The following SYNDIG1L variants were observed in gnomAD, a reference collection of about 807,000 sequenced individuals.
SYNDIG1L encodes synapse differentiation inducing 1 like.
SYNDIG1L carries 13 observed loss-of-function variants against 20.1 expected under a neutral mutation model. The ratio of observed to expected loss-of-function variants is 0.65; its 90% CI spans 0.42 to 1.03. The LOEUF is 1.03. SYNDIG1L is among the 50% of genes least tolerant of loss of function. The pLI is 0.00. For synonymous variants in SYNDIG1L, 128 were observed against 129.3 expected (o/e 0.99, Z 0.07); for missense variants, 294 against 305.1 (o/e 0.96, Z 0.27).
intron 1 of SYNDIG1L, among the ~76,000 whole-genome samples, chr14:74,410,087 C>T (rs2086119817): frequency 6.6e-6 from 1 of 152,194 alleles, no homozygotes; most frequent in African/African-American, 2.4e-5. Flanking sequence ...GTACTGGATG[C>T]TTGGGGTACC....
chr14:74,455,933 C>A, the SYNDIG1L span, among the ~76,000 whole-genome samples: 1 of 152,238 alleles, frequency 6.6e-6, no homozygotes, highest in Non-Finnish European at 1.5e-5. Flanking sequence ...TCAGTGGACC[C>A]CCTGGCTGCC....
At chr14:74,464,450 CG>C in the SYNDIG1L span, among the ~76,000 whole-genome samples, 1 of 152,048 alleles carries the variant, frequency 6.6e-6, no homozygotes, top group South Asian at 2.1e-4. Flanking sequence ...ATGGCTGTTT[CG>C]GGTCTGGCAC....
At chr14:74,461,836 T>A in the SYNDIG1L span, among the ~76,000 whole-genome samples, 1 of 147,514 alleles carries the variant, frequency 6.8e-6, no homozygotes, top group Non-Finnish European at 1.5e-5. Flanking sequence ...ATGCCAGCAC[T>A]TTGGGAGGCT....
the SYNDIG1L span, among the ~76,000 whole-genome samples, chr14:74,453,823 G>A: frequency 1.7e-4 from 26 of 151,934 alleles, no homozygotes; most frequent in African/African-American, 5.6e-4. Flanking sequence ...AAAATTAGCC[G>A]GGTGTGGTGG....
the SYNDIG1L span, among the ~76,000 whole-genome samples, chr14:74,460,705 G>A: frequency 5.9e-5 from 9 of 152,022 alleles, no homozygotes; most frequent in South Asian, 1.2e-3. Context: ...GTGTGGTCTC[G>A]GCTCACTGCA....
At chr14:74,448,692 A>G in the SYNDIG1L span, among the ~76,000 whole-genome samples, 2 of 152,248 alleles carry the variant, frequency 1.3e-5, no homozygotes, top group South Asian at 4.1e-4. Context: ...TTCTCTGATC[A>G]TAATGGAATT....
At chr14:74,479,557 A>T in the SYNDIG1L span, 1 of 152,512 alleles carries the variant, frequency 6.6e-6, no homozygotes, top group Non-Finnish European at 1.5e-5. Context: ...TTCACATTTC[A>T]TTTTTAAGCT....
chr14:74,442,224 TAAC>T, the SYNDIG1L span, among the ~76,000 whole-genome samples: 1 of 152,104 alleles, frequency 6.6e-6, no homozygotes, highest in Non-Finnish European at 1.5e-5. Context: ...AAATGAAACT[TAAC>T]AGCCTAATGC....
At chr14:74,436,268 G>A in the SYNDIG1L span, among the ~76,000 whole-genome samples, 68 of 146,258 alleles carry the variant, frequency 4.6e-4, 3 homozygotes, top group Admixed American at 1.7e-3. Context: ...TTGCTCTGTC[G>A]CCCAGGCTGG....
At chr14:74,453,033 C>A in the SYNDIG1L span, among the ~76,000 whole-genome samples, 1 of 152,048 alleles carries the variant, frequency 6.6e-6, no homozygotes, top group Non-Finnish European at 1.5e-5. Flanking sequence ...GAATACAACT[C>A]ATCTATAGTG....
At chr14:74,419,934 C>T (rs2086208275) in intron 1 of SYNDIG1L, among the ~76,000 whole-genome samples, 1 of 151,800 alleles carries the variant, frequency 6.6e-6, no homozygotes, top group Admixed American at 6.6e-5. Context: ...GGGAAGGCCT[C>T]CCATGCCATG....
the SYNDIG1L span, among the ~76,000 whole-genome samples, chr14:74,457,102 C>T: frequency 3.3e-5 from 5 of 152,158 alleles, no homozygotes; most frequent in African/African-American, 4.8e-5. Flanking sequence ...ATTTGACAGC[C>T]GGGAAGGCTG....
upstream of SYNDIG1L, among the ~76,000 whole-genome samples, chr14:74,428,934 C>T (rs1046058687): frequency 6.6e-6 from 1 of 152,170 alleles, no homozygotes; most frequent in Admixed American, 6.5e-5. Flanking sequence ...TGCTGGGAAG[C>T]TAATGCTATT....
At chr14:74,420,833 C>T (rs2086215282) in intron 1 of SYNDIG1L, among the ~76,000 whole-genome samples, 1 of 152,162 alleles carries the variant, frequency 6.6e-6, no homozygotes, top group African/African-American at 2.4e-5. Context: ...GTGAGGAAAT[C>T]AGTGTAGAGA....
Position 74,407,497 on chromosome 14 carries a change from G to T in SYNDIG1L, c.*38C>A, listed in dbSNP as rs1369822223. 6.2e-7 allele frequency: 1 copy of T among 1,611,704 alleles called. No individual in the cohort carries two copies. The highest frequency in any genetic ancestry group is 2.2e-5 in the East Asian group (1 of 44,878). Reference sequence around the variant, plus strand: ...AACTCCAAGCCCCACTGCTTCCTCAGGTGGGCAGGGGAGTCAGGATGCAGG... The same window carrying T: ...AACTCCAAGCCCCACTGCTTCCTCATGTGGGCAGGGGAGTCAGGATGCAGG... On this transcript the variant is annotated 3_prime_UTR_variant, in exon 4 of 4. Transcript: ENST00000331628.
the SYNDIG1L span, among the ~76,000 whole-genome samples, chr14:74,448,481 CA>C: frequency 6.6e-6 from 1 of 151,950 alleles, no homozygotes; most frequent in African/African-American, 2.4e-5. Flanking sequence ...ATAATAGCTT[CA>C]AAACACATAA....
chr14:74,476,422 G>A, the SYNDIG1L span: 59 of 961,658 alleles, frequency 6.1e-5, no homozygotes, highest in Middle Eastern at 2.1e-4. Context: ...TGTGGAGGAC[G>A]GCCTGCTAGA....
chr14:74,436,947 T>C, the SYNDIG1L span, among the ~76,000 whole-genome samples: 1 of 151,528 alleles, frequency 6.6e-6, no homozygotes, highest in South Asian at 2.1e-4. Flanking sequence ...TCTGGCTTCC[T>C]GTAATAGCTC....
At chr14:74,435,417 A>G in the SYNDIG1L span, among the ~76,000 whole-genome samples, 3 of 152,250 alleles carry the variant, frequency 2.0e-5, no homozygotes, top group African/African-American at 7.2e-5. Flanking sequence ...ATCTTCAAGA[A>G]TCTTCTGTAG....
Sources: allele counts gnomAD v4.1 joint callset (sites outside exome capture counted in the v4.1 genomes callset), GRCh38; gene constraint gnomAD v4.1.1; transcripts MANE v1.5; gene names NCBI Gene and HGNC (gene_info 2026-07-23, HGNC 2026-07-21).